The following SLC44A4 variants were observed in gnomAD, a reference collection of about 807,000 sequenced individuals.
SLC44A4 encodes the protein solute carrier family 44 member 4.
In SLC44A4, 74 loss-of-function variants were observed where a neutral mutation model predicts 97.0. That is an observed-to-expected ratio of 0.76 (90% CI 0.63 to 0.93). The LOEUF is 0.93. SLC44A4 is among the 40% of genes least tolerant of loss of function. The pLI is 0.00. For missense variants in SLC44A4, 799 were observed against 902.9 expected (o/e 0.88, Z 1.48); for synonymous variants, 325 against 363.8 (o/e 0.89, Z 1.21).
Position 31,874,622 on chromosome 6 carries a change from G to A in SLC44A4, c.468+99C>T, listed in dbSNP as rs1045340076. 7.0e-5 allele frequency: 110 copies of A among 1,564,076 alleles called. No individual in the cohort carries two copies. Among genetic ancestry groups the A allele is most frequent in the Non-Finnish European group, 8.8e-5 (102 of 1,155,364 alleles). Reference sequence around the variant, plus strand: ...GGCTCAGCCTGTCCCACACTCCCCAGGAGAGCCAACCTGGTGATGATCTAC... The same window carrying A: ...GGCTCAGCCTGTCCCACACTCCCCAAGAGAGCCAACCTGGTGATGATCTAC... On this transcript the variant is annotated intron_variant, in intron 6 of 20. Coordinates refer to ENST00000229729, the MANE Select transcript of SLC44A4 (RefSeq NM_025257.3). This position sits in a 1 kb window ranked among gnomAD's most constrained non-coding sequence, Gnocchi z 4.8.
rs920396877 is a variant in SLC44A4 at position 31,875,021 on chromosome 6, G to C, written c.250C>G (p.Pro84Ala). 6.2e-7 allele frequency: 1 copy of C among 1,610,954 alleles called. No individual in the cohort carries two copies. The highest frequency in any genetic ancestry group is 8.5e-7 in the Non-Finnish European group (1 of 1,178,938). ...AAGATGTTGAAGTACAGGAGATACG[G>C]CTTATCTCTGTGGGAGGGGAGGGAC... ...YCGMGENKDK[P>A]YLLYFNIFSC... Residue 84 changes from proline to alanine, a missense_variant, in exon 5 of 21, where the codon CCG (proline) becomes GCG (alanine). Transcript: ENST00000229729.
rs493515 is a variant in SLC44A4, at chr6:31,870,768, G to A, written c.937+44C>T. On this transcript the variant is annotated intron_variant, in intron 10 of 20. Transcript: ENST00000229729. ...GCTGGGGCCGGGCATGGCCCAGGGCGGTCCTTGGGCAGCTGGTGGCTTGGG... is the reference window on the plus strand; with the variant it reads ...GCTGGGGCCGGGCATGGCCCAGGGCAGTCCTTGGGCAGCTGGTGGCTTGGG... The A allele has an allele frequency of 0.56, 907,278 of 1,610,260 alleles. 260,279 individuals are homozygous for A. Among genetic ancestry groups the A allele is most frequent in the Middle Eastern group, 0.79 (4,785 of 6,060 alleles).
chr6:31,869,999 G>A (rs1234430062), intron 11 of SLC44A4, among the ~76,000 whole-genome samples: 1 of 151,720 alleles, frequency 6.6e-6, no homozygotes, highest in Non-Finnish European at 1.5e-5. Flanking sequence ...AAAAAAAAAG[G>A]GGGGGGCTGA....
intron 13 of SLC44A4, among the ~76,000 whole-genome samples, chr6:31,867,233 C>T (rs1225458503): frequency 6.6e-6 from 1 of 151,732 alleles, no homozygotes; most frequent in African/African-American, 2.4e-5. Flanking sequence ...GTGTGTGCCA[C>T]CATGCCTGGC....
rs1392893422 is a variant in SLC44A4, at chr6:31,865,885, A to T, written c.1475T>A (p.Ile492Asn). 1 of 1,614,052 alleles carries T rather than the reference A, an allele frequency of 6.2e-7. No individual in the cohort carries two copies. Among genetic ancestry groups the T allele is most frequent in the African/African-American group, 1.3e-5 (1 of 74,918 alleles). Reference protein sequence around the residue: ...IPTFPLISAFIRTLRYHTGSL... With the variant: ...IPTFPLISAFNRTLRYHTGSL... ...GCCCCATCCTTACCGGAGTGTGCGG[A>T]TGAAGGCAGAGATTAAGGGGAAGGT... is the stretch of plus-strand genomic sequence containing the variant. The change falls in exon 14 of 21, where the codon ATC becomes AAC. Residue 492 changes from isoleucine (I) to asparagine (N), a missense_variant. Coordinates refer to ENST00000229729, the MANE Select transcript of SLC44A4 (RefSeq NM_025257.3). The surrounding 1 kb of genome is among the most constrained non-coding windows in gnomAD (Gnocchi z 5.2).
In SLC44A4 at chr6:31,878,789, C is replaced by A; in HGVS notation, c.40+152G>T. The A allele has an allele frequency of 2.1e-6, 2 of 932,930 alleles. No individual in the cohort carries two copies. Among genetic ancestry groups the A allele is most frequent in the Non-Finnish European group, 3.4e-6 (2 of 585,172 alleles). 57.8% of individuals were successfully genotyped at this position (932,930 alleles called of 1,614,324 possible). A position where few individuals can be genotyped will look rare whatever the true frequency, so the allele number is the denominator to read the frequency against. On this transcript the variant is annotated intron_variant, in intron 1 of 20. Coordinates refer to ENST00000229729, the MANE Select transcript of SLC44A4 (RefSeq NM_025257.3). This position sits in a 1 kb window ranked among gnomAD's most constrained non-coding sequence, Gnocchi z 4.0. ...CCATCCTCCTCCCAGGACCCTGACT[C>A]CCTCCCTCCATGGCTCCCGGTTCCC...
At position 31,878,934 on chromosome 6, in the gene SLC44A4, G is replaced by A. The variant is rs1485647716; in HGVS notation, c.40+7C>T. 2 of 1,613,514 alleles carry A rather than the reference G, an allele frequency of 1.2e-6. No individual in the cohort carries two copies. Among genetic ancestry groups the A allele is most frequent in the Admixed American group, 3.3e-5 (2 of 59,898 alleles). ...CCACAGGGTCCCGGGCCTCGCCCCAGTCTCACCGTAGGCCTCGTCATCCTC... is the reference window on the plus strand; with the variant it reads ...CCACAGGGTCCCGGGCCTCGCCCCAATCTCACCGTAGGCCTCGTCATCCTC... On this transcript the variant is annotated splice_region_variant and intron_variant, in intron 1 of 20. Transcript: ENST00000229729. This position sits in a 1 kb window ranked among gnomAD's most constrained non-coding sequence, Gnocchi z 4.0.
chr6:31,871,622 GC>G (rs1763186334), intron 7 of SLC44A4, 61 bp from the exon 8 acceptor site: 2 of 1,312,472 alleles, frequency 1.5e-6, no homozygotes, highest in Non-Finnish European at 2.2e-6. Context: ...AGGGTCTCTG[GC>G]CCCCTCCCAG....
chr6:31,871,520 C>G lies in SLC44A4; in HGVS notation c.571G>C (p.Ala191Pro), dbSNP rs1182770150. The G allele has an allele frequency of 6.2e-7, 1 of 1,613,798 alleles. No homozygotes were observed. The highest frequency in any genetic ancestry group is 8.5e-7 in the Non-Finnish European group (1 of 1,179,880). Reference protein sequence around the residue: ...CFPWTNVTPPALPGITNDTTI... With the variant: ...CFPWTNVTPPPLPGITNDTTI... Reference sequence around the variant, plus strand: ...GTGTCATTGGTGATCCCTGGGAGCGCCGGTGGAGTAACGTTGGTCCATGGA... The same window carrying G: ...GTGTCATTGGTGATCCCTGGGAGCGGCGGTGGAGTAACGTTGGTCCATGGA... Residue 191 changes from alanine to proline, a missense_variant, in exon 8 of 21, where the codon GCG becomes CCG. This residue lies in a region of SLC44A4 where 409 missense variants were observed against 434.1 expected (regional missense o/e 0.94). Transcript: ENST00000229729.
chr6:31,875,809 C>G, intron 4 of SLC44A4, 43 bp downstream of exon 4: 1 of 1,548,108 alleles, frequency 6.5e-7, no homozygotes, highest in South Asian at 1.2e-5. Context: ...GCCCACCCTA[C>G]CTCGCCTCGC....
At chr6:31,863,853 C>G in intron 20 of SLC44A4, 105 bp from the exon 21 acceptor site, 2 of 1,482,136 alleles carry the variant, frequency 1.3e-6, no homozygotes, top group Non-Finnish European at 1.8e-6. Flanking sequence ...CACCACCACC[C>G]TTACCCCCGG....
intron 13 of SLC44A4, among the ~76,000 whole-genome samples, chr6:31,868,019 T>C (rs1429233809): frequency 6.6e-6 from 1 of 152,118 alleles, no homozygotes; most frequent in Non-Finnish European, 1.5e-5. Flanking sequence ...GTTTTTGTCA[T>C]GTTGGCCAGG....
chr6:31,872,736 G>A (rs1237664761), intron 7 of SLC44A4, among the ~76,000 whole-genome samples: 1 of 152,226 alleles, frequency 6.6e-6, no homozygotes, highest in Admixed American at 6.5e-5. Flanking sequence ...AAGGTTCAGA[G>A]AGGTTGCATA....
chr6:31,875,075 G>A, intron 4 of SLC44A4, 47 bp from the exon 5 acceptor site: 1 of 1,495,734 alleles, frequency 6.7e-7, no homozygotes, highest in Non-Finnish European at 9.3e-7. Flanking sequence ...GTCAGGTGTT[G>A]GGGGAGGGGA....
Position 31,864,887 on chromosome 6 carries a change from A to AG in SLC44A4, c.1854dup (p.Ser619LeufsTer9). On this transcript the variant is annotated frameshift_variant, in exon 19 of 21. Transcript: ENST00000229729. LOFTEE classifies it high-confidence loss of function. ...TTACCCAGCCCCGGGATGCGACCGG[A>AG]GAAAAAAAAGAAGGACAGGACCCCT... is the stretch of plus-strand genomic sequence containing the variant. 6.2e-7 allele frequency: 1 copy of AG among 1,613,978 alleles called. No individual in the cohort carries two copies. Among genetic ancestry groups the AG allele is most frequent in the Non-Finnish European group, 8.5e-7 (1 of 1,179,956 alleles).
rs777679472 is a variant in SLC44A4 at position 31,863,685 on chromosome 6, A to G, written c.2075T>C (p.Leu692Pro). Residue 692 changes from leucine (L) to proline (P), a missense_variant, in exon 21 of 21, where the codon CTA becomes CCA. Physicochemically the swap from Leu to Pro is moderately conservative, Grantham distance 98. Around this residue, in one of 3 missense-constraint regions of SLC44A4, gnomAD observed 379 missense variants for 438.3 expected, o/e 0.86. Coordinates refer to ENST00000229729, the MANE Select transcript of SLC44A4 (RefSeq NM_025257.3). ...CTCGTTCTTCTTGCCCAGAATCTTT[A>G]GAAGGCTCTTGGACATGTAGTAGGG... ...DRPYYMSKSL[L>P]KILGKKNEAP... The G allele has an allele frequency of 6.2e-7, 1 of 1,612,100 alleles. No homozygotes were observed. Among genetic ancestry groups the G allele is most frequent in the South Asian group, 1.1e-5 (1 of 90,978 alleles).
rs1275861994 is a variant in SLC44A4, at chr6:31,874,379, C to T, written c.529+81G>A. ...CACCAACAAGCTATGTGACTTCACT[C>T]TCTCTGGGCCTGATTTCTTCATTCA... On this transcript the variant is annotated intron_variant, in intron 7 of 20. Coordinates refer to ENST00000229729, the MANE Select transcript of SLC44A4 (RefSeq NM_025257.3). This position sits in a 1 kb window ranked among gnomAD's most constrained non-coding sequence, Gnocchi z 4.8. 2 of 1,488,992 alleles carry T rather than the reference C, an allele frequency of 1.3e-6. No homozygotes were observed. The highest frequency in any genetic ancestry group is 1.9e-6 in the Non-Finnish European group (2 of 1,072,836). 92.2% of individuals were successfully genotyped at this position (1,488,992 alleles called of 1,614,324 possible). A position where few individuals can be genotyped will look rare whatever the true frequency, so the allele number is the denominator to read the frequency against.
Position 31,865,497 on chromosome 6 carries a change from C to T in SLC44A4, c.1686+1G>A. ...AAAGGGTTGCTTGCAGTGTAGCTCACCATGATGTATGCATTGCGGTTTAGG... is the reference window on the plus strand; with the variant it reads ...AAAGGGTTGCTTGCAGTGTAGCTCATCATGATGTATGCATTGCGGTTTAGG... On this transcript the variant is annotated splice_donor_variant, in intron 16 of 20. Coordinates refer to ENST00000229729, the MANE Select transcript of SLC44A4 (RefSeq NM_025257.3). LOFTEE classifies it high-confidence loss of function. The surrounding 1 kb of genome is among the most constrained non-coding windows in gnomAD (Gnocchi z 5.2). 1 of 1,610,606 alleles carries T rather than the reference C, an allele frequency of 6.2e-7. No individual in the cohort carries two copies. The highest frequency in any genetic ancestry group is 8.5e-7 in the Non-Finnish European group (1 of 1,177,234).
chr6:31,874,149 A>G lies in SLC44A4; in HGVS notation c.529+311T>C, dbSNP rs535881838. Among the ~76,000 whole-genome samples, 18 of 151,458 alleles carry G rather than the reference A, an allele frequency of 1.2e-4. No individual in the cohort carries two copies. The highest frequency in any genetic ancestry group is 4.1e-4 in the African/African-American group (17 of 41,278). On this transcript the variant is annotated intron_variant, in intron 7 of 20. Transcript: ENST00000229729. The surrounding 1 kb of genome is among the most constrained non-coding windows in gnomAD (Gnocchi z 4.8). Reference sequence around the variant, plus strand: ...AATGTGTGTGTAGATTCACCCATGTATGTTTTCATGAGATTTTCATACAGT... The same window carrying G: ...AATGTGTGTGTAGATTCACCCATGTGTGTTTTCATGAGATTTTCATACAGT...
Sources: allele counts gnomAD v4.1 joint callset (sites outside exome capture counted in the v4.1 genomes callset), GRCh38; gene constraint gnomAD v4.1.1; regional missense constraint gnomAD v4.1.1; non-coding constraint Gnocchi (gnomAD v3.1); transcripts MANE v1.5; gene names NCBI Gene and HGNC (gene_info 2026-07-23, HGNC 2026-07-21).